Variants in KPNA5 observed in about 807,000 individuals in gnomAD.
The protein encoded by KPNA5 is importin subunit alpha-6.
Under a neutral mutation model 71.3 loss-of-function variants are expected in KPNA5, and 46 were observed. That is an observed-to-expected ratio of 0.65 (90% confidence interval 0.51 to 0.83). The LOEUF is 0.83. KPNA5 is among the 40% of genes least tolerant of loss of function. The probability of loss-of-function intolerance (pLI) is 0.00; values close to 1 mark genes in which losing one functional copy is unlikely to be tolerated. For synonymous variants in KPNA5, 207 were observed against 201.4 expected (o/e 1.03, Z -0.24); for missense variants, 547 against 628.3 (o/e 0.87, Z 1.38).
intron 7 of KPNA5, among the ~76,000 whole-genome samples, chr6:116,710,411 C>T (rs1160300877): frequency 1.3e-5 from 2 of 151,996 alleles, no homozygotes; most frequent in African/African-American, 4.8e-5. Context: ...AATTTTGCGG[C>T]TACATAGTAG....
At chr6:116,685,004 C>G (rs925654181) in intron 1 of KPNA5, among the ~76,000 whole-genome samples, 1 of 152,046 alleles carries the variant, frequency 6.6e-6, no homozygotes, top group African/African-American at 2.4e-5. Flanking sequence ...ATAAACTTGC[C>G]GTATTATCCG....
chr6:116,709,897 A>T (rs961929378), intron 7 of KPNA5, among the ~76,000 whole-genome samples: 12 of 151,780 alleles, frequency 7.9e-5, no homozygotes, highest in Admixed American at 3.9e-4. Context: ...GGTAGCTGGG[A>T]CTACAAGCGT....
chr6:116,702,150 G>A lies in KPNA5; in HGVS notation c.567G>A (p.Gln189=), dbSNP rs746135023. The A allele has an allele frequency of 6.2e-7, 1 of 1,612,226 alleles. No homozygotes were observed. Among genetic ancestry groups the A allele is most frequent in the Non-Finnish European group, 8.5e-7 (1 of 1,179,538 alleles). ...LNSEHEDVQE[Q]AVWALGNIAG... ...CTGAACATGAAGATGTTCAGGAACA[G>A]GTACGTCTCTAATTTGTATTGTTGT... The change falls in exon 6 of 14, where the codon CAG becomes CAA. Residue 189 remains glutamine, a splice_region_variant and synonymous_variant. Transcript: ENST00000368564.
Position 116,732,428 on chromosome 6 carries a change from G to A in KPNA5, c.*105G>A. Reference sequence around the variant, plus strand: ...GTTTTTTTACATAGAACAGTAAAGAGAATTTGATGCACTTTTAGAAAGCAA... The same window carrying A: ...GTTTTTTTACATAGAACAGTAAAGAAAATTTGATGCACTTTTAGAAAGCAA... On this transcript the variant is annotated 3_prime_UTR_variant, in exon 14 of 14. Coordinates refer to ENST00000368564, the MANE Select transcript of KPNA5 (RefSeq NM_001366306.2). The A allele has an allele frequency of 1.9e-6, 1 of 530,952 alleles. No homozygotes were observed. Among genetic ancestry groups the A allele is most frequent in the Non-Finnish European group, 3.0e-6 (1 of 332,762 alleles). 32.9% of individuals were successfully genotyped at this position (530,952 alleles called of 1,614,324 possible). A position where few individuals can be genotyped will look rare whatever the true frequency, so the allele number is the denominator to read the frequency against.
intron 1 of KPNA5, among the ~76,000 whole-genome samples, chr6:116,685,603 C>G (rs1777547930): frequency 1.3e-5 from 2 of 152,202 alleles, no homozygotes; most frequent in Admixed American, 1.3e-4. Context: ...CATGTTCCCA[C>G]AGAAGACATG....
At chr6:116,726,006 C>G in intron 11 of KPNA5, 130 bp downstream of exon 11, 1 of 938,292 alleles carries the variant, frequency 1.1e-6, no homozygotes, top group Non-Finnish European at 1.5e-6. Flanking sequence ...AGAACATGGG[C>G]TTTCCTCCTC....
intron 1 of KPNA5, among the ~76,000 whole-genome samples, chr6:116,688,364 CATGG>C (rs1303784466): frequency 2.0e-5 from 3 of 152,050 alleles, no homozygotes; most frequent in Non-Finnish European, 4.4e-5. Flanking sequence ...TCTGGTTGGA[CATGG>C]ATATGTCCTC....
In KPNA5 at chr6:116,739,129, A is replaced by C. The variant is rs1238095617; in HGVS notation, c.*6806A>C. On this transcript the variant is annotated 3_prime_UTR_variant, in exon 14 of 14. Coordinates refer to ENST00000368564, the MANE Select transcript of KPNA5 (RefSeq NM_001366306.2). ...CATTGTCTAAGCCCAAAATCTCCTT[A>C]AGCTGATAAGCAACTTCAGCAAAGT... 6.6e-6 allele frequency: 1 copy of C among 152,226 alleles called. No homozygotes were observed. The highest frequency in any genetic ancestry group is 6.6e-5 in the Admixed American group (1 of 15,264). The allele number at this position is 152,226 out of a possible 1,614,324, so 9.4% of individuals were successfully genotyped here. A position where few individuals can be genotyped will look rare whatever the true frequency, so the allele number is the denominator to read the frequency against.
intron 9 of KPNA5, among the ~76,000 whole-genome samples, chr6:116,723,650 A>G (rs1041590788): frequency 6.6e-6 from 1 of 152,152 alleles, no homozygotes; most frequent in African/African-American, 2.4e-5. Flanking sequence ...TATGAAACCC[A>G]TAAGTCCACA....
intron 6 of KPNA5, among the ~76,000 whole-genome samples, chr6:116,702,966 G>T (rs566268028): frequency 6.6e-6 from 1 of 152,062 alleles, no homozygotes; most frequent in East Asian, 1.9e-4. Context: ...TAAATCTGTT[G>T]TTCTGTCTCC....
intron 7 of KPNA5, among the ~76,000 whole-genome samples, chr6:116,711,013 G>A (rs767757959): frequency 1.4e-4 from 21 of 149,030 alleles, no homozygotes; most frequent in Non-Finnish European, 2.7e-4. Flanking sequence ...TTTCACCTCC[G>A]CCTCCCAAGT....
intron 9 of KPNA5, among the ~76,000 whole-genome samples, chr6:116,722,613 AAC>A (rs1467916590): frequency 1.3e-5 from 2 of 152,240 alleles, no homozygotes; most frequent in African/African-American, 2.4e-5. Context: ...TGAAGTATAG[AAC>A]ACAGTTTCTC....
At position 116,732,100 on chromosome 6, in the gene KPNA5, ATATATATATATATATATATATACTTTG is replaced by A; in HGVS notation, c.1433-31_1433-5del. 5.0e-6 allele frequency: 1 copy of A among 201,816 alleles called. No homozygotes were observed. The highest frequency in any genetic ancestry group is 1.3e-4 in the East Asian group (1 of 7,848). 12.5% of individuals were successfully genotyped at this position (201,816 alleles called of 1,614,324 possible). On this transcript the variant is annotated splice_polypyrimidine_tract_variant and intron_variant, in intron 13 of 13. Transcript: ENST00000368564. ...TATATATATATATATATATATATAT[ATATATATATATATATATATATACTTTG>A]TATAACAGGTCTGGATAAAATTGAG...
In KPNA5 at chr6:116,734,243, G is replaced by T. The variant is rs1197053036; in HGVS notation, c.*1920G>T. The stretch of plus-strand genomic sequence containing the variant: ...TTTCTAGTCAATTAAAATTGATAAT[G>T]CAGCATGATTCATAAACTAACCAGC... On this transcript the variant is annotated 3_prime_UTR_variant, in exon 14 of 14. Coordinates refer to ENST00000368564, the MANE Select transcript of KPNA5 (RefSeq NM_001366306.2). The T allele has an allele frequency of 1.3e-5, 2 of 151,632 alleles. No individual in the cohort carries two copies. The highest frequency in any genetic ancestry group is 3.0e-5 in the Non-Finnish European group (2 of 67,684). The allele number at this position is 151,632 out of a possible 1,614,324, so 9.4% of individuals were successfully genotyped here.
chr6:116,708,612 A>G (rs1361101371), intron 7 of KPNA5, among the ~76,000 whole-genome samples: 2 of 152,290 alleles, frequency 1.3e-5, no homozygotes, highest in East Asian at 3.9e-4. Context: ...AATTTTAACA[A>G]CATTTTGTAG....
At chr6:116,683,892 C>A (rs796543479) in intron 1 of KPNA5, among the ~76,000 whole-genome samples, 1 of 141,714 alleles carries the variant, frequency 7.1e-6, no homozygotes, top group Non-Finnish European at 1.5e-5. Context: ...CCACCGTGCC[C>A]GGCCTTTTTT....
rs1280771750 is a variant in KPNA5 at position 116,733,739 on chromosome 6, T to C, written c.*1416T>C. 2 of 151,682 alleles carry C rather than the reference T, an allele frequency of 1.3e-5. No homozygotes were observed. The highest frequency in any genetic ancestry group is 3.0e-5 in the Non-Finnish European group (2 of 67,716). The allele number at this position is 151,682 out of a possible 1,614,324, so 9.4% of individuals were successfully genotyped here. Reference sequence around the variant, plus strand: ...TTACTTAAAACTTAGTTTACAACTCTTTTTAAGATGAGAACTAAGGCAATT... The same window carrying C: ...TTACTTAAAACTTAGTTTACAACTCCTTTTAAGATGAGAACTAAGGCAATT... On this transcript the variant is annotated 3_prime_UTR_variant, in exon 14 of 14. Transcript: ENST00000368564.
At chr6:116,720,917 A>T (rs1051168199) in intron 8 of KPNA5, among the ~76,000 whole-genome samples, 1 of 152,230 alleles carries the variant, frequency 6.6e-6, no homozygotes, top group African/African-American at 2.4e-5. Context: ...CTGGAGAAGG[A>T]TCCAGTTGTG....
intron 4 of KPNA5, among the ~76,000 whole-genome samples, chr6:116,696,542 G>T (rs1166785690): frequency 6.6e-6 from 1 of 152,066 alleles, no homozygotes; most frequent in Non-Finnish European, 1.5e-5. Flanking sequence ...AGTCTGCGAC[G>T]GTGACCTTTT....
Sources: gnomAD v4.1 joint callset for allele counts (sites outside exome capture counted in the v4.1 genomes callset) on GRCh38, gnomAD v4.1.1 for gene constraint, MANE v1.5 for transcripts, NCBI Gene and HGNC (gene_info 2026-07-23, HGNC 2026-07-21) for gene names.